Variants in PTPRN2 observed in about 807,000 individuals in gnomAD.
The protein encoded by PTPRN2 is protein tyrosine phosphatase receptor type N2, also known as receptor-type tyrosine-protein phosphatase N2.
PTPRN2 carries 74 observed loss-of-function variants against 118.8 expected under a neutral mutation model. That is an observed-to-expected ratio of 0.62 (90% CI 0.52 to 0.76). The LOEUF is 0.76. PTPRN2 is among the 30% of genes least tolerant of loss of function. The pLI, the probability that PTPRN2 is intolerant of heterozygous loss-of-function variation, is 0.00. For missense variants in PTPRN2, 1,481 were observed against 1,394.4 expected (o/e 1.06, Z -0.99); for synonymous variants, 641 against 608.0 (o/e 1.05, Z -0.80).
At chr7:158,549,396 T>TC (rs958275057) in intron 1 of PTPRN2, among the ~76,000 whole-genome samples, 35 of 152,154 alleles carry the variant, frequency 2.3e-4, no homozygotes, top group African/African-American at 8.4e-4. Flanking sequence ...CAGACACCGG[T>TC]CCCCCAGTTG....
At position 158,421,406 on chromosome 7, in the gene PTPRN2, G is replaced by A. The variant is rs1198230221; in HGVS notation, c.163+68329C>T. On this transcript the variant is annotated intron_variant, in intron 2 of 22. Coordinates refer to ENST00000389418, the MANE Select transcript of PTPRN2 (RefSeq NM_002847.5). ...TTTTGAACACTGAGCGGAGGGCAAC[G>A]TTTCATTATTTATGCAAAGTGCATC... 6.6e-5 allele frequency among the ~76,000 whole-genome samples: 10 copies of A among 152,300 alleles called. No individual in the cohort carries two copies. The East Asian group carries it at 1.4e-3, about 21-fold the overall frequency.
chr7:158,066,825 A>G (rs943038656), intron 11 of PTPRN2, among the ~76,000 whole-genome samples: 25 of 152,086 alleles, frequency 1.6e-4, no homozygotes, highest in African/African-American at 6.0e-4. Flanking sequence ...TGACTTGAGC[A>G]CATCCCTGGG....
rs1430090238 is a variant in PTPRN2 at position 158,542,923 on chromosome 7, A to G, written c.112+44635T>C. ...TCTGAGCTCCAAAGGGCATCAGGAGATGGGGGAGCCGCAGAGACCACAAAG... is the reference window on the plus strand; with the variant it reads ...TCTGAGCTCCAAAGGGCATCAGGAGGTGGGGGAGCCGCAGAGACCACAAAG... On this transcript the variant is annotated intron_variant, in intron 1 of 22. Transcript: ENST00000389418. Among the ~76,000 whole-genome samples the G allele has an allele frequency of 3.3e-5, 5 of 152,178 alleles. No individual in the cohort carries two copies. The East Asian group carries it at 9.6e-4, about 29-fold the overall frequency.
intron 12 of PTPRN2, among the ~76,000 whole-genome samples, chr7:157,741,807 C>T (rs1270871227): frequency 6.6e-6 from 1 of 152,232 alleles, no homozygotes; most frequent in Non-Finnish European, 1.5e-5. Flanking sequence ...CTCAGCTTTG[C>T]TCTTCATGTC....
chr7:157,689,564 TG>T (rs1030745407), intron 12 of PTPRN2, among the ~76,000 whole-genome samples: 7 of 152,296 alleles, frequency 4.6e-5, no homozygotes, highest in Non-Finnish European at 7.4e-5. Context: ...AACTCTAACT[TG>T]GGGGTTCGCC....
Position 157,903,275 on chromosome 7 carries a change from T to A in PTPRN2, c.1724-4538A>T, listed in dbSNP as rs185709084. 1.0e-3 allele frequency among the ~76,000 whole-genome samples: 152 copies of A among 147,494 alleles called. No individual in the cohort carries two copies. Among genetic ancestry groups the A allele is most frequent in the African/African-American group, 3.8e-3 (141 of 37,070 alleles). ...ACGTAAGAGGGAATGTGAGAGGGAA[T>A]GTGAGAGGGAGGTGGGAGAAAAGGG... On this transcript the variant is annotated intron_variant, in intron 11 of 22. Transcript: ENST00000389418. The surrounding 1 kb of genome is among the most constrained non-coding windows in gnomAD (Gnocchi z 4.2).
At chr7:158,040,381 A>T (rs1808365990) in intron 11 of PTPRN2, among the ~76,000 whole-genome samples, 2 of 147,852 alleles carry the variant, frequency 1.4e-5, no homozygotes, top group Admixed American at 6.8e-5. Flanking sequence ...ACACGTGCAT[A>T]CACATGTGCA....
At chr7:158,062,314 T>C (rs1473197175) in intron 11 of PTPRN2, among the ~76,000 whole-genome samples, 1 of 152,262 alleles carries the variant, frequency 6.6e-6, no homozygotes, top group African/African-American at 2.4e-5. Context: ...CTGCAGGTGC[T>C]GGCTGTATTC....
intron 3 of PTPRN2, among the ~76,000 whole-genome samples, chr7:158,272,426 A>C (rs1019388721): frequency 6.6e-6 from 1 of 152,242 alleles, no homozygotes; most frequent in African/African-American, 2.4e-5. Context: ...GGTTTGAGTC[A>C]GAAGTAGGGA....
intron 2 of PTPRN2, among the ~76,000 whole-genome samples, chr7:158,368,756 AC>A (rs1364698075): frequency 6.6e-6 from 1 of 151,794 alleles, no homozygotes; most frequent in Non-Finnish European, 1.5e-5. Context: ...ACCATCCTCG[AC>A]CCCCCAAGTC....
intron 12 of PTPRN2, among the ~76,000 whole-genome samples, chr7:157,748,115 T>C (rs1184886635): frequency 6.7e-6 from 1 of 150,374 alleles, no homozygotes; most frequent in Non-Finnish European, 1.5e-5. Flanking sequence ...CCTGCGTCCC[T>C]GAGCTGTCTG....
chr7:158,225,112 CT>C (rs111497029), intron 3 of PTPRN2, among the ~76,000 whole-genome samples: 5 of 149,424 alleles, frequency 3.3e-5, no homozygotes, highest in South Asian at 2.2e-4. Flanking sequence ...ATCACTGTTA[CT>C]TTTTTTTTTC....
intron 9 of PTPRN2, among the ~76,000 whole-genome samples, chr7:158,114,400 C>T (rs887991706): frequency 1.3e-5 from 2 of 152,210 alleles, no homozygotes; most frequent in Non-Finnish European, 2.9e-5. Context: ...ACTCCCACAC[C>T]ATAAAATCAG....
intron 12 of PTPRN2, among the ~76,000 whole-genome samples, chr7:157,820,637 C>T (rs538913861): frequency 6.6e-6 from 1 of 152,158 alleles, no homozygotes; most frequent in East Asian, 1.9e-4. Context: ...CCCCTACACA[C>T]GTGCACACAC....
At chr7:158,058,341 C>A (rs1461387981) in intron 11 of PTPRN2, among the ~76,000 whole-genome samples, 1 of 145,612 alleles carries the variant, frequency 6.9e-6, no homozygotes, top group Non-Finnish European at 1.5e-5. Context: ...ATCACTACAG[C>A]CACGCTCCAT....
chr7:157,824,314 C>T (rs373683131), intron 12 of PTPRN2, among the ~76,000 whole-genome samples: 10 of 152,262 alleles, frequency 6.6e-5, no homozygotes, highest in East Asian at 1.9e-4. Context: ...TTGTGCCGAC[C>T]GCTGCCAGAG....
At chr7:158,125,236 G>T (rs780694460) in intron 9 of PTPRN2, among the ~76,000 whole-genome samples, 4 of 68,610 alleles carry the variant, frequency 5.8e-5, no homozygotes, top group South Asian at 3.9e-4. Context: ...CTGCCCCCCT[G>T]TCTCGAGTCC....
chr7:157,829,652 C>G (rs1807419500), intron 12 of PTPRN2, among the ~76,000 whole-genome samples: 1 of 152,270 alleles, frequency 6.6e-6, no homozygotes, highest in Non-Finnish European at 1.5e-5. Context: ...TGAGCCATCT[C>G]TGCAATGGAA....
chr7:158,554,711 C>T (rs1039198405), intron 1 of PTPRN2, among the ~76,000 whole-genome samples: 2 of 152,140 alleles, frequency 1.3e-5, no homozygotes, highest in African/African-American at 2.4e-5. Flanking sequence ...TGGGGTTCTT[C>T]GGCCCATGCC....
Sources: gnomAD v4.1 joint callset for allele counts (sites outside exome capture counted in the v4.1 genomes callset) on GRCh38, gnomAD v4.1.1 for gene constraint, Gnocchi (gnomAD v3.1) non-coding constraint, MANE v1.5 for transcripts, NCBI Gene and HGNC (gene_info 2026-07-23, HGNC 2026-07-21) for gene names.